The following CSMD1 variants were observed in gnomAD, a reference collection of about 807,000 sequenced individuals.
The protein encoded by CSMD1 is CUB and sushi domain-containing protein 1.
In CSMD1, 213 loss-of-function variants were observed where a neutral mutation model predicts 417.5. That is an observed-to-expected ratio of 0.51 (90% confidence interval 0.46 to 0.57). The LOEUF is 0.57. Ranked by LOEUF, CSMD1 falls within the 20% of genes least tolerant of loss-of-function variation. The pLI, the probability that CSMD1 is intolerant of heterozygous loss-of-function variation, is 0.00. For synonymous variants in CSMD1, 2,862 were observed against 1,736.8 expected (o/e 1.65, Z -16.11); for missense variants, 6,923 against 4,529.7 (o/e 1.53, Z -15.17).
At chr8:4,466,730 T>C (rs1400349459) in intron 2 of CSMD1, among the ~76,000 whole-genome samples, 3 of 152,072 alleles carry the variant, frequency 2.0e-5, no homozygotes, top group Admixed American at 6.5e-5. Flanking sequence ...GTACAACAAA[T>C]ACATATTTCC....
chr8:4,911,506 A>T (rs575121581), intron 1 of CSMD1, among the ~76,000 whole-genome samples: 90 of 152,250 alleles, frequency 5.9e-4, no homozygotes, highest in Middle Eastern at 3.4e-3. Context: ...TGTCATTAAC[A>T]TTCCTTAATA....
In CSMD1 at chr8:4,580,632, C is replaced by T. The variant is rs535888191; in HGVS notation, c.302+56710G>A. 4.6e-5 allele frequency among the ~76,000 whole-genome samples: 7 copies of T among 152,204 alleles called. No homozygotes were observed. In the South Asian group the frequency reaches 1.5e-3, roughly 32 times the overall value. On this transcript the variant is annotated intron_variant, in intron 2 of 69. Transcript: ENST00000635120. ...TCTCTCCCCTCCTTCTTCTTCGTGGCATCACATAAGACATTCTCTTCTACC... is the reference window on the plus strand; with the variant it reads ...TCTCTCCCCTCCTTCTTCTTCGTGGTATCACATAAGACATTCTCTTCTACC...
chr8:4,881,541 T>G (rs980293951), intron 1 of CSMD1, among the ~76,000 whole-genome samples: 7 of 151,668 alleles, frequency 4.6e-5, no homozygotes, highest in Non-Finnish European at 8.8e-5. Flanking sequence ...TAGTTTTTTT[T>G]TTTTTTTTTT....
intron 1 of CSMD1, among the ~76,000 whole-genome samples, chr8:4,917,419 G>T (rs11136792): frequency 0.55 from 83,152 of 151,982 alleles, 23,434 homozygotes; most frequent in African/African-American, 0.62. Flanking sequence ...CAGACTACAA[G>T]GTCAGGAGAT....
At chr8:3,999,315 C>G (rs1815475480) in intron 4 of CSMD1, among the ~76,000 whole-genome samples, 1 of 152,136 alleles carries the variant, frequency 6.6e-6, no homozygotes. Flanking sequence ...CCGGCCTGAG[C>G]TCTTACAAAG....
chr8:3,135,149 T>G (rs1212583700), intron 41 of CSMD1, among the ~76,000 whole-genome samples: 1 of 152,150 alleles, frequency 6.6e-6, no homozygotes, highest in East Asian at 1.9e-4. Context: ...CTCCTGGCCT[T>G]GAGCAATCTT....
intron 3 of CSMD1, among the ~76,000 whole-genome samples, chr8:4,082,295 C>T (rs2554642): frequency 0.19 from 28,685 of 151,948 alleles, 2,816 homozygotes; most frequent in South Asian, 0.34. Context: ...TCTGAGCAGA[C>T]GTATAAGAAA....
chr8:4,209,761 C>T (rs570842014), intron 3 of CSMD1, among the ~76,000 whole-genome samples: 3 of 152,318 alleles, frequency 2.0e-5, no homozygotes, highest in South Asian at 2.1e-4. Flanking sequence ...CAGGACTACA[C>T]CATAGGCCAT....
At chr8:4,441,266 T>A (rs1188696951) in intron 2 of CSMD1, among the ~76,000 whole-genome samples, 1 of 137,980 alleles carries the variant, frequency 7.2e-6, no homozygotes, top group African/African-American at 2.6e-5. Context: ...CTCAGTTTTT[T>A]TTTTTTTTTT....
At chr8:4,857,320 A>T (rs1801861639) in intron 1 of CSMD1, among the ~76,000 whole-genome samples, 2 of 150,800 alleles carry the variant, frequency 1.3e-5, no homozygotes, top group Non-Finnish European at 3.0e-5. Context: ...AGCAGGAAAG[A>T]TCCAAAATTG....
intron 12 of CSMD1, among the ~76,000 whole-genome samples, chr8:3,440,936 A>G (rs183635169): frequency 6.6e-6 from 1 of 152,182 alleles, no homozygotes; most frequent in South Asian, 2.1e-4. Flanking sequence ...AGACGTGGTG[A>G]CTGTGATTTT....
chr8:3,806,256 G>T (rs1177970968), intron 5 of CSMD1, among the ~76,000 whole-genome samples: 1 of 152,156 alleles, frequency 6.6e-6, no homozygotes. Flanking sequence ...TGTTTTCACA[G>T]TAGGATGGAA....
At chr8:4,196,695 C>G (rs1401855472) in intron 3 of CSMD1, among the ~76,000 whole-genome samples, 1 of 152,110 alleles carries the variant, frequency 6.6e-6, no homozygotes, top group South Asian at 2.1e-4. Context: ...TTTAAGAGTT[C>G]ACATAGCTAG....
At position 4,166,713 on chromosome 8, in the gene CSMD1, T is replaced by G. The variant is rs568513172; in HGVS notation, c.416-134614A>C. Among the ~76,000 whole-genome samples the G allele has an allele frequency of 5.8e-4, 88 of 151,982 alleles. 1 individual carries two copies. The highest frequency in any genetic ancestry group is 6.6e-4 in the Non-Finnish European group (45 of 67,980). ...AAGAAAATCAGCTCTAAAGAACATA[T>G]CTATGTAACCCAAAACCACCTATTG... On this transcript the variant is annotated intron_variant, in intron 3 of 69. Coordinates refer to ENST00000635120, the MANE Select transcript of CSMD1 (RefSeq NM_033225.6).
intron 62 of CSMD1, among the ~76,000 whole-genome samples, chr8:2,959,164 G>T (rs557270294): frequency 1.3e-5 from 2 of 152,268 alleles, no homozygotes; most frequent in South Asian, 2.1e-4. Flanking sequence ...ACAGCACAGT[G>T]GTGCAATCAT....
At chr8:4,081,461 G>A (rs1800128182) in intron 3 of CSMD1, among the ~76,000 whole-genome samples, 1 of 152,120 alleles carries the variant, frequency 6.6e-6, no homozygotes, top group African/African-American at 2.4e-5. Context: ...CAGCCACGGT[G>A]TCATGGGAAC....
intron 17 of CSMD1, among the ~76,000 whole-genome samples, chr8:3,387,974 A>G (rs1207523884): frequency 6.6e-6 from 1 of 152,218 alleles, no homozygotes; most frequent in Non-Finnish European, 1.5e-5. Context: ...TGGAAAATCA[A>G]TGAATTGCAC....
chr8:4,590,492 A>G (rs1799932311), intron 2 of CSMD1, among the ~76,000 whole-genome samples: 1 of 152,226 alleles, frequency 6.6e-6, no homozygotes, highest in Non-Finnish European at 1.5e-5. Flanking sequence ...TAAAATTTAT[A>G]GCTTTATTTC....
At chr8:3,568,103 T>A (rs1457592792) in intron 10 of CSMD1, among the ~76,000 whole-genome samples, 2 of 152,144 alleles carry the variant, frequency 1.3e-5, no homozygotes, top group African/African-American at 4.8e-5. Flanking sequence ...TAATTTCCAT[T>A]ATAAATATAT....
Sources: gnomAD v4.1 joint callset for allele counts (sites outside exome capture counted in the v4.1 genomes callset) on GRCh38, gnomAD v4.1.1 for gene constraint, MANE v1.5 for transcripts, NCBI Gene and HGNC (gene_info 2026-07-23, HGNC 2026-07-21) for gene names.